MON1A: variants seen among roughly 807,000 people sequenced by gnomAD.
MON1A encodes vacuolar fusion protein MON1 homolog A.
Under a neutral mutation model 44.6 loss-of-function variants are expected in MON1A, and 29 were observed. The ratio of observed to expected loss-of-function variants is 0.65; its 90% CI spans 0.48 to 0.89. The LOEUF is 0.89. Ranked by LOEUF, MON1A falls within the 40% of genes least tolerant of loss-of-function variation. The pLI is 0.00. For missense variants in MON1A, 615 were observed against 759.6 expected, an observed-to-expected ratio of 0.81 and a Z score of 2.24; for synonymous variants, 275 against 316.4, an observed-to-expected ratio of 0.87 and a Z score of 1.39.
chr3:49,911,825 G>C lies in MON1A; in HGVS notation c.314C>G (p.Ala105Gly). ...CAGCATCTCCTCCTGCAGGTCCCGG[G>C]CCACACCCGTCAGCTGGGTGCTTAG... The part of the protein sequence containing the change: ...SELSTQLTGV[A>G]RDLQEEMLPG... Residue 105 changes from alanine (A) to glycine (G), a missense_variant, in exon 3 of 6, where the codon GCC (alanine) becomes GGC (glycine). Ala to Gly is a moderately conservative substitution (Grantham distance 60). Transcript: ENST00000296473. The surrounding 1 kb of genome is among the most constrained non-coding windows in gnomAD (Gnocchi z 5.7). 6.2e-7 allele frequency: 1 copy of C among 1,614,034 alleles called. No individual in the cohort carries two copies. Among genetic ancestry groups the C allele is most frequent in the Non-Finnish European group, 8.5e-7 (1 of 1,179,998 alleles).
intron 1 of MON1A, among the ~76,000 whole-genome samples, chr3:49,918,747 A>G (rs2082970304): frequency 6.6e-6 from 1 of 152,100 alleles, no homozygotes; most frequent in Admixed American, 6.6e-5. Flanking sequence ...TTCATGCTCC[A>G]TAGAGGCTAA....
chr3:49,923,076 C>T (rs2083016056), intron 1 of MON1A, among the ~76,000 whole-genome samples: 1 of 151,286 alleles, frequency 6.6e-6, no homozygotes, highest in Non-Finnish European at 1.5e-5. Context: ...CACGGTTTCT[C>T]ACACTTTGTA....
At position 49,913,349 on chromosome 3, in the gene MON1A, T is replaced by C. The variant is rs369491670; in HGVS notation, c.-3A>G. 43 of 1,610,758 alleles carry C rather than the reference T, an allele frequency of 2.7e-5. No individual in the cohort carries two copies. The highest frequency in any genetic ancestry group is 3.7e-5 in the Non-Finnish European group (43 of 1,177,282). ...TTCCTCTGCATGTCAGTAGCCATCCTTTGAGCTCTCCTGTGGGGCAAACAA... is the reference window on the plus strand; with the variant it reads ...TTCCTCTGCATGTCAGTAGCCATCCCTTGAGCTCTCCTGTGGGGCAAACAA... On this transcript the variant is annotated 5_prime_UTR_variant, in exon 2 of 6. Transcript: ENST00000296473.
rs2082866719 is a variant in MON1A at position 49,910,647 on chromosome 3, C to T, written c.851G>A (p.Arg284Gln). ...CGCCCCCATCAGGAAGCTGGGGTCTCGTGCCATGAGCTGCAGCAGGTTGTC... is the reference window on the plus strand; with the variant it reads ...CGCCCCCATCAGGAAGCTGGGGTCTTGTGCCATGAGCTGCAGCAGGTTGTC... ...ITDNLLQLMA[R>Q]DPSFLMGAAR... Residue 284 changes from arginine to glutamine, a missense_variant, in exon 4 of 6, where the codon CGA (arginine) becomes CAA (glutamine). By Grantham distance (43) the Arg-to-Gln change is conservative. Coordinates refer to ENST00000296473, the MANE Select transcript of MON1A (RefSeq NM_032355.4). This position sits in a 1 kb window ranked among gnomAD's most constrained non-coding sequence, Gnocchi z 8.0. 1 of 1,604,706 alleles carries T rather than the reference C, an allele frequency of 6.2e-7. No homozygotes were observed. The highest frequency in any genetic ancestry group is 8.5e-7 in the Non-Finnish European group (1 of 1,174,346).
rs2082893399 is a variant in MON1A, at chr3:49,912,080, A to G, written c.128-69T>C. On this transcript the variant is annotated intron_variant, in intron 2 of 5. Coordinates refer to ENST00000296473, the MANE Select transcript of MON1A (RefSeq NM_032355.4). ...AGACACTCCTACCAGCAAGGTGCCTAACGTGGTCACTCCAGCATGACTGCC... is the reference window on the plus strand; with the variant it reads ...AGACACTCCTACCAGCAAGGTGCCTGACGTGGTCACTCCAGCATGACTGCC... The G allele has an allele frequency of 3.3e-6, 5 of 1,511,880 alleles. No homozygotes were observed. The South Asian group carries it at 5.3e-5, about 16-fold the overall frequency. 93.7% of individuals were successfully genotyped at this position (1,511,880 alleles called of 1,614,324 possible).
rs1211085868 is a variant in MON1A, at chr3:49,911,205, G to GATAGATAGATAGATAGATGATAGATAC, written c.613+320_613+321insGTATCTATCATCTATCTATCTATCTAT. On this transcript the variant is annotated intron_variant, in intron 3 of 5. Transcript: ENST00000296473. The surrounding 1 kb of genome is among the most constrained non-coding windows in gnomAD (Gnocchi z 5.7). ...GATAGATAGATTAGATAGATAGATA[G>GATAGATAGATAGATAGATGATAGATAC]ATAGATAGATAGATAGATAGATAGA... Among the ~76,000 whole-genome samples, 1 of 120,440 alleles carries GATAGATAGATAGATAGATGATAGATAC rather than the reference G, an allele frequency of 8.3e-6. No individual in the cohort carries two copies. Among genetic ancestry groups the GATAGATAGATAGATAGATGATAGATAC allele is most frequent in the African/African-American group, 3.7e-5 (1 of 27,224 alleles). 79.0% of individuals were successfully genotyped at this position (120,440 alleles called of 152,430 possible). A position where few individuals can be genotyped will look rare whatever the true frequency, so the allele number is the denominator to read the frequency against.
chr3:49,922,755 A>G (rs1409436241), intron 1 of MON1A, among the ~76,000 whole-genome samples: 3 of 151,420 alleles, frequency 2.0e-5, no homozygotes, highest in Admixed American at 6.6e-5. Context: ...CTGGAGTGCA[A>G]TGGCGCGATC....
intron 1 of MON1A, among the ~76,000 whole-genome samples, chr3:49,922,807 G>C (rs2083013233): frequency 1.3e-5 from 2 of 151,716 alleles, no homozygotes; most frequent in South Asian, 4.2e-4. Flanking sequence ...CACCTCCTGG[G>C]TTCAGGCAAT....
intron 1 of MON1A, among the ~76,000 whole-genome samples, chr3:49,926,466 A>G (rs758877783): frequency 3.3e-5 from 5 of 151,614 alleles, no homozygotes; most frequent in Non-Finnish European, 7.4e-5. Flanking sequence ...GAGGAGTTCT[A>G]TTTTTTTTGA....
chr3:49,921,422 T>A lies in MON1A; in HGVS notation c.-13-8063A>T, dbSNP rs575622828. 2.0e-5 allele frequency among the ~76,000 whole-genome samples: 3 copies of A among 146,976 alleles called. 1 individual carries two copies. Among genetic ancestry groups the A allele is most frequent in the African/African-American group, 7.5e-5 (3 of 40,138 alleles). On this transcript the variant is annotated intron_variant, in intron 1 of 5. Transcript: ENST00000296473. The stretch of plus-strand genomic sequence containing the variant: ...ATCCGCCTGCCTCAGCCTCCCAAAG[T>A]GCTGGGATTACAGGCCTGAGCCACC...
chr3:49,923,525 C>T (rs1386848684), intron 1 of MON1A, among the ~76,000 whole-genome samples: 8 of 148,058 alleles, frequency 5.4e-5, no homozygotes, highest in South Asian at 2.1e-4. Flanking sequence ...AGTGCAACAG[C>T]GCAATCTCAG....
At chr3:49,921,436 G>A (rs993853297) in intron 1 of MON1A, among the ~76,000 whole-genome samples, 1 of 149,912 alleles carries the variant, frequency 6.7e-6, no homozygotes, top group Non-Finnish European at 1.5e-5. Flanking sequence ...GGGATTACAG[G>A]CCTGAGCCAC....
chr3:49,925,629 C>T (rs1326415224), intron 1 of MON1A, among the ~76,000 whole-genome samples: 1 of 152,134 alleles, frequency 6.6e-6, no homozygotes, highest in Non-Finnish European at 1.5e-5. Flanking sequence ...GTCCCACCTA[C>T]TTAAGAGGCT....
chr3:49,929,790 C>T lies in MON1A; in HGVS notation c.-195G>A. On this transcript the variant is annotated 5_prime_UTR_variant, in exon 1 of 6. Transcript: ENST00000296473. ...CACCGCTCCCTCCCACCGCCCTCAC[C>T]CGGCCGCCGGTGCAGGAAGATAGCT... The T allele has an allele frequency of 6.5e-7, 1 of 1,548,254 alleles. No homozygotes were observed. Among genetic ancestry groups the T allele is most frequent in the Non-Finnish European group, 8.7e-7 (1 of 1,146,698 alleles).
Position 49,909,561 on chromosome 3 carries a change from AC to A in MON1A, c.1380-162del. 2.2e-6 allele frequency: 2 copies of A among 902,552 alleles called. No individual in the cohort carries two copies. Among genetic ancestry groups the A allele is most frequent in the Non-Finnish European group, 3.3e-6 (2 of 607,982 alleles). The allele number at this position is 902,552 out of a possible 1,614,324, so 55.9% of individuals were successfully genotyped here. A position where few individuals can be genotyped will look rare whatever the true frequency, so the allele number is the denominator to read the frequency against. ...GCATTGTCTCCCCACCATAGCAGGC[AC>A]CCCAGGACAGGGCTGGGCCCACTGA... On this transcript the variant is annotated intron_variant, in intron 4 of 5. Coordinates refer to ENST00000296473, the MANE Select transcript of MON1A (RefSeq NM_032355.4). This position sits in a 1 kb window ranked among gnomAD's most constrained non-coding sequence, Gnocchi z 4.0.
chr3:49,914,847 A>G (rs1414086783), intron 1 of MON1A, among the ~76,000 whole-genome samples: 1 of 151,930 alleles, frequency 6.6e-6, no homozygotes, highest in Non-Finnish European at 1.5e-5. Context: ...CGCCCGCCTA[A>G]TTTTTGTATT....
Position 49,909,521 on chromosome 3 carries a change from C to A in MON1A, c.1380-121G>T. On this transcript the variant is annotated intron_variant, in intron 4 of 5. Transcript: ENST00000296473. The surrounding 1 kb of genome is among the most constrained non-coding windows in gnomAD (Gnocchi z 4.0). The stretch of plus-strand genomic sequence containing the variant: ...TATCTTATGTCCTACCCTCCAGGTG[C>A]TCCCTTAGGACAGGGCATTGTCTCC... 7.4e-7 allele frequency: 1 copy of A among 1,359,948 alleles called. No homozygotes were observed. 84.2% of individuals were successfully genotyped at this position (1,359,948 alleles called of 1,614,324 possible).
At chr3:49,917,766 G>A (rs1260857798) in intron 1 of MON1A, among the ~76,000 whole-genome samples, 4 of 151,842 alleles carry the variant, frequency 2.6e-5, no homozygotes, top group Non-Finnish European at 5.9e-5. Context: ...GAACTTCCGG[G>A]GCGAGTGTGG....
At chr3:49,915,186 G>A (rs1483151503) in intron 1 of MON1A, among the ~76,000 whole-genome samples, 1 of 152,344 alleles carries the variant, frequency 6.6e-6, no homozygotes, top group East Asian at 1.9e-4. Flanking sequence ...TAAGGAGCTT[G>A]CCCAATGTTA....
Sources: gnomAD v4.1 joint callset for allele counts (sites outside exome capture counted in the v4.1 genomes callset) on GRCh38, gnomAD v4.1.1 for gene constraint, Gnocchi (gnomAD v3.1) non-coding constraint, MANE v1.5 for transcripts, NCBI Gene and HGNC (gene_info 2026-07-23, HGNC 2026-07-21) for gene names.